CDC27: variants seen among roughly 807,000 people sequenced by gnomAD.
The protein encoded by CDC27 is cell division cycle 27, also known as cell division cycle protein 27 homolog.
CDC27 carries 27 observed loss-of-function variants against 109.7 expected under a neutral mutation model. That is an observed-to-expected ratio of 0.25 (90% confidence interval 0.18 to 0.34). The LOEUF (loss-of-function observed/expected upper bound fraction) is 0.34, where lower values mean the gene tolerates loss of function less well. CDC27 is among the 10% of genes least tolerant of loss of function. The probability of loss-of-function intolerance (pLI) is 1.00; values close to 1 mark genes in which losing one functional copy is unlikely to be tolerated. For synonymous variants in CDC27, 266 were observed against 333.9 expected, an observed-to-expected ratio of 0.80 and a Z score of 2.22; for missense variants, 579 against 960.2, an observed-to-expected ratio of 0.60 and a Z score of 5.25.
intron 4 of CDC27, 101 bp from the exon 5 acceptor site, chr17:47,158,404 G>T: frequency 2.1e-6 from 1 of 466,908 alleles, no homozygotes. Flanking sequence ...GAAGTTCAGA[G>T]AGCACTCTTT....
At chr17:47,144,020 C>T (rs2062878618) in intron 9 of CDC27, 38 bp from the exon 10 acceptor site, 1 of 875,984 alleles carries the variant, frequency 1.1e-6, no homozygotes, top group Non-Finnish European at 1.6e-6. Context: ...TAATATTTTA[C>T]TTGATTTATG....
intron 15 of CDC27, among the ~76,000 whole-genome samples, chr17:47,131,240 A>G (rs529689242): frequency 2.0e-5 from 3 of 152,368 alleles, no homozygotes; most frequent in Admixed American, 6.5e-5. Context: ...TGAATAAATA[A>G]GGTGATGACA....
chr17:47,134,470 A>C (rs948107809), intron 14 of CDC27, among the ~76,000 whole-genome samples: 1 of 151,268 alleles, frequency 6.6e-6, no homozygotes, highest in Non-Finnish European at 1.5e-5. Flanking sequence ...CACCATGCCT[A>C]ATTGTTTTTT....
chr17:47,169,356 T>G (rs751822281), intron 4 of CDC27, among the ~76,000 whole-genome samples: 5 of 151,860 alleles, frequency 3.3e-5, no homozygotes, highest in Non-Finnish European at 7.4e-5. Flanking sequence ...TAAAATAAAC[T>G]AACATGGGGC....
Position 47,123,879 on chromosome 17 carries a change from T to G in CDC27, c.2235+7A>C. On this transcript the variant is annotated splice_region_variant and intron_variant, in intron 17 of 18. Transcript: ENST00000066544. The stretch of plus-strand genomic sequence containing the variant: ...TCACTGTTTGGGACCATGACCCCAG[T>G]CTTTACCTTTCCTATTAAGAAGTAA... 6.3e-7 allele frequency: 1 copy of G among 1,580,014 alleles called. No homozygotes were observed.
At position 47,120,989 on chromosome 17, in the gene CDC27, G is replaced by A. The variant is rs2061968667; in HGVS notation, c.2421C>T (p.Ser807=). 1 of 1,612,604 alleles carries A rather than the reference G, an allele frequency of 6.2e-7. No homozygotes were observed. Among genetic ancestry groups the A allele is most frequent in the Non-Finnish European group, 8.5e-7 (1 of 1,179,114 alleles). The part of the protein sequence containing the change: ...IMGTDESQES[S]MTDADDTQLH... ...GTTGTGTGTCATCCGCATCTGTCAT[G>A]CTGCTCTCCTGGGATTCATCTGTTC... The change falls in exon 19 of 19, where the codon AGC becomes AGT. Residue 807 remains serine (S), a synonymous_variant. Transcript: ENST00000066544.
rs1053767228 is a variant in CDC27 at position 47,147,216 on chromosome 17, C to T, written c.1071-3234G>A. ...GAGATCGAGACCATCCTGGCTAACA[C>T]GGTGAAACCCCGTCTCTACTAAAAA... On this transcript the variant is annotated intron_variant, in intron 9 of 18. Transcript: ENST00000066544. 9.9e-5 allele frequency among the ~76,000 whole-genome samples: 15 copies of T among 151,210 alleles called. No homozygotes were observed. In the East Asian group the frequency reaches 1.4e-3, roughly 14 times the overall value.
intron 18 of CDC27, among the ~76,000 whole-genome samples, chr17:47,121,801 G>A (rs562551386): frequency 3.3e-4 from 50 of 151,072 alleles, no homozygotes; most frequent in African/African-American, 1.1e-3. Context: ...GTGCAATGGC[G>A]TGATTTCGGC....
At chr17:47,173,437 C>T (rs1904292473) in intron 2 of CDC27, among the ~76,000 whole-genome samples, 1 of 151,068 alleles carries the variant, frequency 6.6e-6, no homozygotes, top group South Asian at 2.1e-4. Context: ...TACTGAGCTA[C>T]AACTTCTAAT....
At chr17:47,153,545 T>C (rs1014121568) in intron 8 of CDC27, among the ~76,000 whole-genome samples, 2 of 152,108 alleles carry the variant, frequency 1.3e-5, no homozygotes, top group Non-Finnish European at 2.9e-5. Flanking sequence ...AGGAGTAAAA[T>C]AGTAAAAAAA....
intron 18 of CDC27, among the ~76,000 whole-genome samples, chr17:47,122,120 T>C (rs1320054719): frequency 2.0e-5 from 3 of 152,104 alleles, no homozygotes; most frequent in African/African-American, 7.2e-5. Context: ...TTGTCAGAAA[T>C]TTCTCCATTC....
chr17:47,137,489 A>C, intron 13 of CDC27, 129 bp from the exon 14 acceptor site: 2 of 509,938 alleles, frequency 3.9e-6, no homozygotes, highest in Non-Finnish European at 6.8e-6. Flanking sequence ...GTAGATACTC[A>C]ATTCTAATTA....
In CDC27 at chr17:47,141,746, T is replaced by C. The variant is rs1185057227; in HGVS notation, c.1551+107A>G. 8 of 594,080 alleles carry C rather than the reference T, an allele frequency of 1.3e-5. No homozygotes were observed. The Admixed American group carries it at 2.6e-4, about 19-fold the overall frequency. The allele number at this position is 594,080 out of a possible 1,614,324, so 36.8% of individuals were successfully genotyped here. ...ACAAAATAAATATATAGACATTACA[T>C]AATAAATACTGATCTTTTAGATCTA... On this transcript the variant is annotated intron_variant, in intron 12 of 18. Coordinates refer to ENST00000066544, the MANE Select transcript of CDC27 (RefSeq NM_001256.6).
intron 4 of CDC27, chr17:47,160,127 G>T (rs916125948): frequency 5.6e-6 from 1 of 177,256 alleles, no homozygotes; most frequent in Non-Finnish European, 1.2e-5. Flanking sequence ...TCTAAATCAG[G>T]TGTATAAACG....
At chr17:47,171,251 A>G (rs998175025) in intron 3 of CDC27, among the ~76,000 whole-genome samples, 9 of 152,268 alleles carry the variant, frequency 5.9e-5, no homozygotes, top group Non-Finnish European at 1.0e-4. Context: ...AAAGCCATCA[A>G]TTAGTCACTG....
At chr17:47,159,639 C>T (rs530163268) in intron 4 of CDC27, 11 of 459,820 alleles carry the variant, frequency 2.4e-5, no homozygotes, top group African/African-American at 2.0e-4. Flanking sequence ...GTGGCCACCT[C>T]CTTGGAGCAT....
At chr17:47,188,831 C>T in intron 1 of CDC27, 1 of 1,256,790 alleles carries the variant, frequency 8.0e-7, no homozygotes, top group South Asian at 2.4e-5. Context: ...ATTTTCGGCC[C>T]CTCATCTCCC....
chr17:47,157,230 A>C lies in CDC27; in HGVS notation c.630T>G (p.Ile210Met), dbSNP rs1186613280. 1 of 1,607,740 alleles carries C rather than the reference A, an allele frequency of 6.2e-7. No individual in the cohort carries two copies. Among genetic ancestry groups the C allele is most frequent in the Non-Finnish European group, 8.5e-7 (1 of 1,177,052 alleles). The change falls in exon 6 of 19, where the codon ATT (isoleucine) becomes ATG (methionine). Residue 210 changes from isoleucine to methionine, a missense_variant and splice_region_variant. This residue lies in a region of CDC27 where 57 missense variants were observed against 59.0 expected (regional missense o/e 0.97). Coordinates refer to ENST00000066544, the MANE Select transcript of CDC27 (RefSeq NM_001256.6). ...GAACACTAGAATATAAGACACTTACAATTGTGTCCTGGGGTGTTTCCGTAA... is the reference window on the plus strand; with the variant it reads ...GAACACTAGAATATAAGACACTTACCATTGTGTCCTGGGGTGTTTCCGTAA... Reference protein sequence around the residue: ...TVLTETPQDTIELNRLNLESS... With the variant: ...TVLTETPQDTMELNRLNLESS...
At chr17:47,129,346 G>T (rs746699096) in intron 16 of CDC27, 47 bp downstream of exon 16, 6 of 1,369,486 alleles carry the variant, frequency 4.4e-6, no homozygotes, top group Non-Finnish European at 6.1e-6. Flanking sequence ...GGATAACGTT[G>T]TTTTTAAGCA....
Sources: allele counts gnomAD v4.1 joint callset (sites outside exome capture counted in the v4.1 genomes callset), GRCh38; gene constraint gnomAD v4.1.1; regional missense constraint gnomAD v4.1.1; transcripts MANE v1.5; gene names NCBI Gene and HGNC (gene_info 2026-07-23, HGNC 2026-07-21).